PKD1L3: variants seen among roughly 807,000 people sequenced by gnomAD.
The protein encoded by PKD1L3 is polycystin 1 like 3, transient receptor potential channel interacting.
In PKD1L3, 239 loss-of-function variants were observed where a neutral mutation model predicts 184.1. The observed-to-expected ratio is 1.30, with a 90% CI of 1.17 to 1.45. The LOEUF (loss-of-function observed/expected upper bound fraction) is 1.45, where lower values mean the gene tolerates loss of function less well. Ranked by LOEUF, PKD1L3 falls within the 40% of genes most tolerant of loss-of-function variation. PKD1L3 has a pLI of 0.00. For synonymous variants in PKD1L3, 996 were observed against 778.8 expected (o/e 1.28, Z -4.64); for missense variants, 2,660 against 2,067.2 (o/e 1.29, Z -5.56).
chr16:71,965,752 C>G (rs1433253212), intron 15 of PKD1L3, among the ~76,000 whole-genome samples: 2 of 151,994 alleles, frequency 1.3e-5, no homozygotes, highest in African/African-American at 4.8e-5. Context: ...CAGGGTTTCA[C>G]CATGTTGGCC....
At chr16:71,933,279 T>G in intron 28 of PKD1L3, 141 bp downstream of exon 28, 1 of 669,160 alleles carries the variant, frequency 1.5e-6, no homozygotes, top group Non-Finnish European at 2.7e-6. Context: ...GGCAGTACCA[T>G]AAAGCAGTAG....
chr16:71,977,766 A>G (rs565710393), intron 10 of PKD1L3, among the ~76,000 whole-genome samples: 3 of 151,594 alleles, frequency 2.0e-5, no homozygotes, highest in East Asian at 2.0e-4. Context: ...TCCCAGACCT[A>G]TAACACTTCT....
At chr16:71,954,068 C>T in intron 17 of PKD1L3, 37 bp downstream of exon 17, 1 of 1,432,062 alleles carries the variant, frequency 7.0e-7, no homozygotes, top group Non-Finnish European at 9.2e-7. Flanking sequence ...AAAAGGATTG[C>T]TTACTACAAA....
intron 2 of PKD1L3, 150 bp downstream of exon 2, chr16:71,998,122 T>G: frequency 1.8e-6 from 2 of 1,090,156 alleles, no homozygotes; most frequent in Non-Finnish European, 2.6e-6. Context: ...AATTTTCTCA[T>G]GCTAATCAGC....
chr16:71,959,280 C>G (rs1339716475), intron 16 of PKD1L3, among the ~76,000 whole-genome samples: 1 of 151,560 alleles, frequency 6.6e-6, no homozygotes. Context: ...CATGGTGGCG[C>G]ATGTCTGTAA....
chr16:71,942,696 C>A lies in PKD1L3; in HGVS notation c.4188G>T (p.Lys1396Asn). The A allele has an allele frequency of 6.4e-7, 1 of 1,551,724 alleles. No homozygotes were observed. Among genetic ancestry groups the A allele is most frequent in the African/African-American group, 1.4e-5 (1 of 73,164 alleles). The stretch of plus-strand genomic sequence containing the variant: ...TTAGATGAAGTCCAGGGAATAGGCT[C>A]TTGGGACGCCCACAGGTATGGCCGT... ...CDNGHTCGRP[K>N]SLFPGLHLRR... The change falls in exon 24 of 30, where the codon AAG (lysine) becomes AAT (asparagine). Residue 1396 changes from lysine (K) to asparagine (N), a missense_variant. By Grantham distance (94) the Lys-to-Asn change is moderately conservative. Coordinates refer to ENST00000620267, the MANE Select transcript of PKD1L3 (RefSeq NM_181536.2).
chr16:71,947,204 C>T (rs1284211702), intron 22 of PKD1L3, among the ~76,000 whole-genome samples: 1 of 152,084 alleles, frequency 6.6e-6, no homozygotes, highest in Non-Finnish European at 1.5e-5. Context: ...TTGTAGTGAG[C>T]TGAGAACACA....
In PKD1L3 at chr16:71,942,773, G is replaced by T. The variant is rs752124171; in HGVS notation, c.4111C>A (p.Arg1371Ser). ...TCCACTTTCTCATAGGTCTTGGTAC[G>T]GGGTATTTGGAAAATTAATTGTACC... ...CGVQLIFQIP[R>S]TKTYEKVDEG... is the part of the protein sequence containing the mutation. Residue 1371 changes from arginine to serine, a missense_variant, in exon 24 of 30, where the codon CGT (arginine) becomes AGT (serine). By Grantham distance (110) the Arg-to-Ser change is moderately radical. Coordinates refer to ENST00000620267, the MANE Select transcript of PKD1L3 (RefSeq NM_181536.2). The T allele has an allele frequency of 9.0e-6, 14 of 1,551,460 alleles. No homozygotes were observed. The African/African-American group carries it at 1.2e-4, about 14-fold the overall frequency.
At chr16:71,933,383 T>G in intron 28 of PKD1L3, 37 bp downstream of exon 28, 1 of 1,443,336 alleles carries the variant, frequency 6.9e-7, no homozygotes, top group South Asian at 1.2e-5. Context: ...TTGTTCAATA[T>G]ATTGAATTCT....
intron 9 of PKD1L3, among the ~76,000 whole-genome samples, chr16:71,978,895 A>G (rs1385495642): frequency 3.3e-5 from 5 of 152,158 alleles, no homozygotes; most frequent in Non-Finnish European, 1.5e-5. Context: ...CAAATGAAAT[A>G]ACATTCCCCA....
chr16:71,933,857 G>C, intron 27 of PKD1L3, 58 bp downstream of exon 27: 1 of 1,518,310 alleles, frequency 6.6e-7, no homozygotes, highest in Non-Finnish European at 8.9e-7. Context: ...TATGGGAAGC[G>C]ATGCGATTCC....
At chr16:71,974,652 C>CCA (rs1330067488) in intron 11 of PKD1L3, among the ~76,000 whole-genome samples, 2 of 152,196 alleles carry the variant, frequency 1.3e-5, no homozygotes, top group Admixed American at 1.3e-4. Context: ...CCACTGCGCT[C>CCA]CACCCTGGGC....
In PKD1L3 at chr16:71,993,239, A is replaced by G; in HGVS notation, c.512T>C (p.Ile171Thr). 1.9e-6 allele frequency: 3 copies of G among 1,549,186 alleles called. No individual in the cohort carries two copies. Among genetic ancestry groups the G allele is most frequent in the East Asian group, 2.4e-5 (1 of 40,842 alleles). The stretch of plus-strand genomic sequence containing the variant: ...ACCTGGGGGCATTTTGTCTCTTGCT[A>G]TTGCAACTCCTCTTTTTGTCTTCTT... ...RHKKTKRGVA[I>T]ARDKMPPGPG... Residue 171 changes from isoleucine to threonine, a missense_variant, in exon 3 of 30, where the codon ATA becomes ACA. Transcript: ENST00000620267.
intron 2 of PKD1L3, among the ~76,000 whole-genome samples, chr16:71,996,912 T>C (rs1205485620): frequency 6.6e-6 from 1 of 151,394 alleles, no homozygotes; most frequent in African/African-American, 2.4e-5. Context: ...GTGGGTAGAT[T>C]TGGTGGTCCG....
Position 71,942,680 on chromosome 16 carries a change from G to C in PKD1L3, c.4204C>G (p.Leu1402Val), listed in dbSNP as rs1014840279. ...CGRPKSLFPG[L>V]HLRRFSYICS... ...ATGTAACTGAACCTCCTTAGATGAA[G>C]TCCAGGGAATAGGCTCTTGGGACGC... Residue 1402 changes from leucine (L) to valine (V), a missense_variant, in exon 24 of 30, where the codon CTT becomes GTT. Transcript: ENST00000620267. The C allele has an allele frequency of 9.0e-6, 14 of 1,551,588 alleles. No homozygotes were observed. In the East Asian group the frequency reaches 1.5e-4, roughly 16 times the overall value.
chr16:71,933,983 G>A lies in PKD1L3; in HGVS notation c.4756C>T (p.Arg1586Ter), dbSNP rs147505098. Residue 1586 changes from arginine (R) to a stop codon, truncating the protein, a stop_gained, in exon 27 of 30, where the codon CGA becomes TGA. Coordinates refer to ENST00000620267, the MANE Select transcript of PKD1L3 (RefSeq NM_181536.2). LOFTEE classifies it high-confidence loss of function. Reference protein sequence around the residue: ...RLRVISRTLSRAWDEVVGFLL... With the variant: ...RLRVISRTLS ...AAGCCCACCACCTCGTCCCAGGCTCGGCTCAGTGTCCTGCTGATGACCCGC... is the reference window on the plus strand; with the variant it reads ...AAGCCCACCACCTCGTCCCAGGCTCAGCTCAGTGTCCTGCTGATGACCCGC... 31,005 of 1,551,584 alleles carry A rather than the reference G, an allele frequency of 0.02. 389 individuals are homozygous for A. Among genetic ancestry groups the A allele is most frequent in the Non-Finnish European group, 0.024 (27,118 of 1,146,986 alleles).
At chr16:71,978,054 A>G (rs1597354408) in intron 10 of PKD1L3, among the ~76,000 whole-genome samples, 1 of 152,244 alleles carries the variant, frequency 6.6e-6, no homozygotes, top group Admixed American at 6.5e-5. Context: ...GATTACAGGC[A>G]TGAGCCACTG....
intron 25 of PKD1L3, among the ~76,000 whole-genome samples, chr16:71,936,209 CT>C (rs986834363): frequency 9.0e-4 from 124 of 137,238 alleles, no homozygotes; most frequent in Middle Eastern, 8.1e-3. Context: ...TTTTTCTTTT[CT>C]TTTTTTTTTT....
intron 29 of PKD1L3, 91 bp from the exon 30 acceptor site, chr16:71,929,769 T>C (rs1326562082): frequency 1.6e-6 from 2 of 1,242,806 alleles, no homozygotes; most frequent in Non-Finnish European, 2.2e-6. Flanking sequence ...TTTAAAAAAT[T>C]AGTAAATGTA....
Sources: allele counts gnomAD v4.1 joint callset (sites outside exome capture counted in the v4.1 genomes callset), GRCh38; gene constraint gnomAD v4.1.1; transcripts MANE v1.5; gene names NCBI Gene and HGNC (gene_info 2026-07-23, HGNC 2026-07-21).